AGBL1: variants seen among roughly 807,000 people sequenced by gnomAD.
The protein encoded by AGBL1 is cytosolic carboxypeptidase 4.
In AGBL1, 130 loss-of-function variants were observed where a neutral mutation model predicts 118.9. That is an observed-to-expected ratio of 1.09 (90% confidence interval 0.95 to 1.26). The LOEUF (loss-of-function observed/expected upper bound fraction) is 1.26. AGBL1 is among the 50% of genes most tolerant of loss of function. The pLI is 0.00. For synonymous variants in AGBL1, 555 were observed against 478.9 expected, an observed-to-expected ratio of 1.16 and a Z score of -2.08; for missense variants, 1,584 against 1,298.1, an observed-to-expected ratio of 1.22 and a Z score of -3.38.
chr15:86,785,332 T>G (rs1391163170), intron 22 of AGBL1, among the ~76,000 whole-genome samples: 1 of 149,894 alleles, frequency 6.7e-6, no homozygotes, highest in South Asian at 2.1e-4. Context: ...TCAAAAGGTC[T>G]GGGAAGAGGC....
intron 6 of AGBL1, among the ~76,000 whole-genome samples, chr15:86,227,460 T>C (rs142252021): frequency 5.8e-4 from 88 of 152,352 alleles, no homozygotes; most frequent in Admixed American, 3.0e-3. Context: ...GCTGTTAGAG[T>C]CTGTTCTGTG....
At chr15:86,679,517 A>G (rs893930573) in intron 22 of AGBL1, among the ~76,000 whole-genome samples, 2 of 152,044 alleles carry the variant, frequency 1.3e-5, no homozygotes, top group Non-Finnish European at 2.9e-5. Context: ...AGTATCATTT[A>G]TAATTTTTGA....
At chr15:86,240,538 G>A (rs1349435031) in intron 6 of AGBL1, among the ~76,000 whole-genome samples, 1 of 152,198 alleles carries the variant, frequency 6.6e-6, no homozygotes, top group Non-Finnish European at 1.5e-5. Context: ...TCAATGTGGA[G>A]TCCTATTTGG....
intron 6 of AGBL1, among the ~76,000 whole-genome samples, chr15:86,243,724 G>T (rs1340337728): frequency 6.6e-6 from 1 of 152,020 alleles, no homozygotes; most frequent in Non-Finnish European, 1.5e-5. Context: ...AGATACTAAT[G>T]TAGGCCGGGC....
chr15:86,829,140 G>C (rs906933948), intron 22 of AGBL1, among the ~76,000 whole-genome samples: 9 of 151,968 alleles, frequency 5.9e-5, no homozygotes, highest in Admixed American at 5.2e-4. Context: ...GTGATGCATT[G>C]GTGAAGTTCA....
chr15:86,900,444 C>A (rs1169262161), intron 22 of AGBL1, among the ~76,000 whole-genome samples: 1 of 152,092 alleles, frequency 6.6e-6, no homozygotes, highest in Non-Finnish European at 1.5e-5. Flanking sequence ...CCTCAGCCTG[C>A]TTGACAAATG....
At chr15:86,477,879 C>G (rs145105700) in intron 18 of AGBL1, among the ~76,000 whole-genome samples, 6,505 of 152,184 alleles carry the variant, frequency 0.043, 492 homozygotes, top group African/African-American at 0.15. Context: ...AAAAGCTTAT[C>G]CACCATGATC....
intron 21 of AGBL1, among the ~76,000 whole-genome samples, chr15:86,632,155 C>T (rs1435177042): frequency 6.6e-6 from 1 of 151,120 alleles, no homozygotes; most frequent in East Asian, 2.0e-4. Context: ...GTAGTCCCAG[C>T]TACTTGGAAG....
chr15:86,736,387 A>C (rs2077599650), intron 22 of AGBL1, among the ~76,000 whole-genome samples: 2 of 152,062 alleles, frequency 1.3e-5, no homozygotes, highest in Admixed American at 1.3e-4. Flanking sequence ...CTCAAAAAAA[A>C]AAAAATTATT....
chr15:86,298,748 T>A (rs1437016385), intron 17 of AGBL1, among the ~76,000 whole-genome samples: 1 of 152,030 alleles, frequency 6.6e-6, no homozygotes, highest in East Asian at 1.9e-4. Flanking sequence ...GAGGCATGAG[T>A]GGAAATAAAG....
Position 86,149,197 on chromosome 15 carries a change from T to G in AGBL1, c.263-5233T>G, listed in dbSNP as rs2141671234. ...CATGCCAAATTGTAAAGACCGTTGATGCTAGGAAGAAACTGCATCAATTAA... is the reference window on the plus strand; with the variant it reads ...CATGCCAAATTGTAAAGACCGTTGAGGCTAGGAAGAAACTGCATCAATTAA... On this transcript the variant is annotated intron_variant, in intron 3 of 22. Transcript: ENST00000614907. Among the ~76,000 whole-genome samples the G allele has an allele frequency of 1.3e-5, 2 of 152,260 alleles. 1 individual carries two copies. The highest frequency in any genetic ancestry group is 4.1e-4 in the South Asian group (2 of 4,822).
chr15:86,571,420 A>G (rs564415968), intron 21 of AGBL1, among the ~76,000 whole-genome samples: 1 of 152,270 alleles, frequency 6.6e-6, no homozygotes, highest in African/African-American at 2.4e-5. Flanking sequence ...GAGCAATGGA[A>G]TAGCTCAGAG....
At chr15:87,026,865 TTGAAG>T (rs2081732568) in intron 24 of AGBL1, among the ~76,000 whole-genome samples, 4 of 152,042 alleles carry the variant, frequency 2.6e-5, no homozygotes, top group Admixed American at 2.6e-4. Flanking sequence ...GGACTATGAT[TTGAAG>T]TGAAGTAACT....
At chr15:86,530,780 A>T (rs1342554165) in intron 19 of AGBL1, among the ~76,000 whole-genome samples, 6 of 139,634 alleles carry the variant, frequency 4.3e-5, no homozygotes, top group Non-Finnish European at 7.7e-5. Flanking sequence ...CAGTGCAATC[A>T]AACTAGAACT....
chr15:86,403,126 A>G (rs2081472437), intron 18 of AGBL1, among the ~76,000 whole-genome samples: 1 of 152,130 alleles, frequency 6.6e-6, no homozygotes, highest in East Asian at 1.9e-4. Context: ...CCTGAACTGC[A>G]TTAAAGGTAG....
chr15:86,622,126 G>A (rs1191268561), intron 21 of AGBL1, among the ~76,000 whole-genome samples: 2 of 152,034 alleles, frequency 1.3e-5, no homozygotes, highest in African/African-American at 2.4e-5. Flanking sequence ...TCAGGAGCTC[G>A]AGACCAGCCT....
At position 86,469,451 on chromosome 15, in the gene AGBL1, A is replaced by T. The variant is rs188798024; in HGVS notation, c.2556-53359A>T. Among the ~76,000 whole-genome samples, 723 of 152,216 alleles carry T rather than the reference A, an allele frequency of 4.7e-3. 30 individuals are homozygous for T. Among genetic ancestry groups the T allele is most frequent in the Admixed American group, 0.042 (648 of 15,284 alleles). ...GAGTACTATTTCATTGTATGTATGTATGGGTCACATTTTCTTTATCCATTC... is the reference window on the plus strand; with the variant it reads ...GAGTACTATTTCATTGTATGTATGTTTGGGTCACATTTTCTTTATCCATTC... On this transcript the variant is annotated intron_variant, in intron 18 of 22. Transcript: ENST00000614907.
At chr15:86,145,185 A>G (rs1023969029) in intron 3 of AGBL1, among the ~76,000 whole-genome samples, 1 of 152,198 alleles carries the variant, frequency 6.6e-6, no homozygotes, top group African/African-American at 2.4e-5. Flanking sequence ...CTGTTTCCCA[A>G]AAGAATAACA....
chr15:86,923,760 T>C (rs1313374198), intron 23 of AGBL1, among the ~76,000 whole-genome samples: 2 of 152,208 alleles, frequency 1.3e-5, no homozygotes, highest in Non-Finnish European at 2.9e-5. Context: ...GACAAAATGC[T>C]CCCTATAAAA....
Sources: allele counts gnomAD v4.1 joint callset (sites outside exome capture counted in the v4.1 genomes callset), GRCh38; gene constraint gnomAD v4.1.1; transcripts MANE v1.5; gene names NCBI Gene and HGNC (gene_info 2026-07-23, HGNC 2026-07-21).